Variants in ZFYVE26 observed in about 807,000 individuals in gnomAD.
ZFYVE26 encodes the protein zinc finger FYVE-type containing 26.
In ZFYVE26, 181 loss-of-function variants were observed where a neutral mutation model predicts 276.5. The observed-to-expected ratio is 0.65, with a 90% CI of 0.58 to 0.74. ZFYVE26 has a LOEUF of 0.74. Among genes scored for constraint, ZFYVE26 ranks in the 30% least tolerant of loss-of-function variants. The pLI, the probability that ZFYVE26 is intolerant of heterozygous loss-of-function variation, is 0.00. For missense variants in ZFYVE26, 2,821 were observed against 3,097.9 expected, an observed-to-expected ratio of 0.91 and a Z score of 2.12; for synonymous variants, 1,129 against 1,203.1, an observed-to-expected ratio of 0.94 and a Z score of 1.27.
At position 67,755,636 on chromosome 14, in the gene ZFYVE26, T is replaced by A. The variant is rs142687653; in HGVS notation, c.6786+312A>T. 4.2e-4 allele frequency among the ~76,000 whole-genome samples: 64 copies of A among 152,346 alleles called. 1 individual carries two copies. In the East Asian group the frequency reaches 0.011, roughly 26 times the overall value. Reference sequence around the variant, plus strand: ...TTCTCTAAAAACACTAACGTTTCCATCATTCCTTATGAATTCTACATTCAC... The same window carrying A: ...TTCTCTAAAAACACTAACGTTTCCAACATTCCTTATGAATTCTACATTCAC... On this transcript the variant is annotated intron_variant, in intron 36 of 41. Transcript: ENST00000347230.
At chr14:67,734,066 T>G (rs1050533643) in intron 13 of ZFYVE26, 2 of 425,984 alleles carry the variant, frequency 4.7e-6, no homozygotes, top group Non-Finnish European at 4.5e-6. Flanking sequence ...AGTGTTCTTC[T>G]CTAAGACCTG....
At position 67,772,108 on chromosome 14, in the gene ZFYVE26, T is replaced by A. The variant is rs753511901; in HGVS notation, c.5423A>T (p.Gln1808Leu). The A allele has an allele frequency of 2.5e-6, 4 of 1,612,930 alleles. No individual in the cohort carries two copies. ...ACTCTCAGTCTCATCCGGTACCCACTGGTGCCTGGCAGGGGGTGTCGCTGG... is the reference window on the plus strand; with the variant it reads ...ACTCTCAGTCTCATCCGGTACCCACAGGTGCCTGGCAGGGGGTGTCGCTGG... ...VPPATPPARH[Q>L]WVPDETESIC... is the part of the protein sequence containing the mutation. Residue 1808 changes from glutamine (Q) to leucine (L), a missense_variant, in exon 28 of 42, where the codon CAG becomes CTG. Transcript: ENST00000347230.
At chr14:67,802,993 T>A (rs1337089990) in intron 9 of ZFYVE26, among the ~76,000 whole-genome samples, 4 of 152,242 alleles carry the variant, frequency 2.6e-5, no homozygotes, top group Non-Finnish European at 5.9e-5. Context: ...CATTCCACAA[T>A]GTATATATGC....
downstream of ZFYVE26, among the ~76,000 whole-genome samples, chr14:67,745,529 A>G (rs945468424): frequency 1.3e-5 from 2 of 151,506 alleles, no homozygotes; most frequent in African/African-American, 4.9e-5. Context: ...GGGAAAGGAG[A>G]TAATGAGCAG....
intron 21 of ZFYVE26, among the ~76,000 whole-genome samples, chr14:67,782,128 T>A (rs983409651): frequency 1.3e-5 from 2 of 152,194 alleles, no homozygotes; most frequent in Non-Finnish European, 2.9e-5. Flanking sequence ...CCAAGCCTCC[T>A]ACCCAAAAGT....
intron 10 of ZFYVE26, among the ~76,000 whole-genome samples, chr14:67,801,024 G>T (rs2040067293): frequency 6.6e-6 from 1 of 152,048 alleles, no homozygotes; most frequent in Admixed American, 6.6e-5. Flanking sequence ...AGGCTGAAGT[G>T]GGTGCATCAC....
Position 67,815,815 on chromosome 14 carries a change from AC to A in ZFYVE26, c.148del (p.Val50Ter). The A allele has an allele frequency of 6.2e-7, 1 of 1,613,862 alleles. No individual in the cohort carries two copies. Among genetic ancestry groups the A allele is most frequent in the African/African-American group, 1.3e-5 (1 of 74,996 alleles). ...QEGQGDIPKR[V>X]EDILQALVVC... ...CACCAATGCCTGAAGTATGTCTTCT[AC>A]CCTCTTTGGGATATCCCCTTGTCCC... On this transcript the variant is annotated frameshift_variant, in exon 2 of 42. Transcript: ENST00000347230. LOFTEE classifies it high-confidence loss of function.
rs1452061026 is a variant in ZFYVE26, at chr14:67,729,277, C to T, written n.3222G>A. ...CTCCTCCCTGCTCTGCCTGCTCTGG[C>T]GGCTCTTCTCCCCCTTTGTCAAGAC... On this transcript the variant is annotated non_coding_transcript_exon_variant, in exon 14 of 15. Coordinates refer to the ZFYVE26 transcript ENST00000394455. 2 of 1,605,878 alleles carry T rather than the reference C, an allele frequency of 1.2e-6. No individual in the cohort carries two copies. The highest frequency in any genetic ancestry group is 1.7e-6 in the Non-Finnish European group (2 of 1,179,960).
intron 29 of ZFYVE26, 76 bp downstream of exon 29, chr14:67,769,518 G>T: frequency 6.3e-7 from 1 of 1,593,930 alleles, no homozygotes; most frequent in South Asian, 1.1e-5. Flanking sequence ...CTCATAATGA[G>T]ACTCCTAGGA....
Position 67,755,954 on chromosome 14 carries a change from A to C in ZFYVE26, c.6780T>G (p.Phe2260Leu). The change falls in exon 36 of 42, where the codon TTT (phenylalanine) becomes TTG (leucine). Residue 2260 changes from phenylalanine (F) to leucine (L), a missense_variant. Phe to Leu is a conservative substitution (Grantham distance 22). Transcript: ENST00000347230. ...YYHILYELQQ[F>L]MKDQVRAAMT... is the part of the protein sequence containing the mutation. ...AGGAAGGGGCTGCCATTACCTTCAT[A>C]AACTGCTGCAGCTCATACAGAATGT... The C allele has an allele frequency of 1.2e-6, 2 of 1,614,218 alleles. No homozygotes were observed. The highest frequency in any genetic ancestry group is 1.7e-6 in the Non-Finnish European group (2 of 1,180,032).
In ZFYVE26 at chr14:67,763,926, A is replaced by G. The variant is rs58607555; in HGVS notation, c.6012-1107T>C. ...GTGAGAGAGCACAGATTCAGTATCA[A>G]TGGCCTGTATTCCTGGTCAGTGCAC... On this transcript the variant is annotated intron_variant, in intron 32 of 41. Transcript: ENST00000347230. 3.3e-3 allele frequency among the ~76,000 whole-genome samples: 498 copies of G among 152,246 alleles called. 2 individuals carry two copies. The highest frequency in any genetic ancestry group is 0.011 in the African/African-American group (468 of 41,526).
At chr14:67,807,357 G>C (rs201562503) in intron 5 of ZFYVE26, 41 bp downstream of exon 5, 34 of 1,613,014 alleles carry the variant, frequency 2.1e-5, no homozygotes, top group Non-Finnish European at 2.7e-5. Flanking sequence ...GGGCATACTG[G>C]AATTACTGAA....
intron 13 of ZFYVE26, among the ~76,000 whole-genome samples, chr14:67,732,466 G>T: frequency 7.1e-6 from 1 of 141,614 alleles, no homozygotes. Flanking sequence ...ACTAGATACA[G>T]TATGATCCCG....
chr14:67,786,878 T>C (rs2039673181), intron 16 of ZFYVE26, among the ~76,000 whole-genome samples: 2 of 152,178 alleles, frequency 1.3e-5, no homozygotes, highest in African/African-American at 4.8e-5. Flanking sequence ...TGAGATCCAA[T>C]CATTAGCAAC....
chr14:67,743,049 G>C (rs2140171226), downstream of ZFYVE26, among the ~76,000 whole-genome samples: 1 of 151,686 alleles, frequency 6.6e-6, no homozygotes, highest in African/African-American at 2.4e-5. Flanking sequence ...TGTTGGCCAG[G>C]CTGGTCTCGA....
chr14:67,733,240 T>C (rs1740696831), intron 13 of ZFYVE26, among the ~76,000 whole-genome samples: 1 of 152,174 alleles, frequency 6.6e-6, no homozygotes, highest in Non-Finnish European at 1.5e-5. Flanking sequence ...GAGGGCTTGG[T>C]CTGGGGTTCA....
chr14:67,781,586 A>T, intron 21 of ZFYVE26, 57 bp from the exon 22 acceptor site: 1 of 1,531,778 alleles, frequency 6.5e-7, no homozygotes, highest in Non-Finnish European at 9.0e-7. Flanking sequence ...AGAGTTCAAG[A>T]GTCCAGGTTA....
At position 67,786,829 on chromosome 14, in the gene ZFYVE26, C is replaced by T. The variant is rs1358510967; in HGVS notation, c.3020-596G>A. Among the ~76,000 whole-genome samples, 7 of 152,172 alleles carry T rather than the reference C, an allele frequency of 4.6e-5. 1 individual carries two copies. On this transcript the variant is annotated intron_variant, in intron 16 of 41. Transcript: ENST00000347230. ...ATGAATGGATAAAGAAAATGTGATA[C>T]ATATACACAATGGAGTACTATACAG...
Position 67,789,394 on chromosome 14 carries a change from G to C in ZFYVE26, c.2960C>G (p.Thr987Ser). 3.7e-6 allele frequency: 6 copies of C among 1,614,216 alleles called. No individual in the cohort carries two copies. Among genetic ancestry groups the C allele is most frequent in the Non-Finnish European group, 5.1e-6 (6 of 1,180,046 alleles). ...GGCTGTCTCCAAAAGCTGCTTGCAG[G>C]TTTTCCAGAGCTGGCACTGAGAGCA... ...LACSQCQLWKTCKQLLETAER... is the reference protein window; with the variant it reads ...LACSQCQLWKSCKQLLETAER... The change falls in exon 16 of 42, where the codon ACC (threonine) becomes AGC (serine). Residue 987 changes from threonine to serine, a missense_variant. By Grantham distance (58) the Thr-to-Ser change is moderately conservative. Coordinates refer to ENST00000347230, the MANE Select transcript of ZFYVE26 (RefSeq NM_015346.4).
Sources: allele counts gnomAD v4.1 joint callset (sites outside exome capture counted in the v4.1 genomes callset), GRCh38; gene constraint gnomAD v4.1.1; transcripts MANE v1.5; gene names NCBI Gene and HGNC (gene_info 2026-07-23, HGNC 2026-07-21).